PIK3R3: variants seen among roughly 807,000 people sequenced by gnomAD.
The protein encoded by PIK3R3 is phosphatidylinositol 3-kinase regulatory subunit gamma.
In PIK3R3, 64 loss-of-function variants were observed where a neutral mutation model predicts 62.9. The ratio of observed to expected loss-of-function variants is 1.02; its 90% CI spans 0.83 to 1.25. The LOEUF (loss-of-function observed/expected upper bound fraction) is 1.25, where lower values mean the gene tolerates loss of function less well. Ranked by LOEUF, PIK3R3 falls within the 50% of genes most tolerant of loss-of-function variation. The pLI, the probability that PIK3R3 is intolerant of heterozygous loss-of-function variation, is 0.00. For synonymous variants in PIK3R3, 165 were observed against 189.0 expected (o/e 0.87, Z 1.04); for missense variants, 614 against 561.6 (o/e 1.09, Z -0.94).
intron 8 of PIK3R3, 112 bp downstream of exon 8, chr1:46,046,439 G>C: frequency 2.6e-6 from 2 of 768,634 alleles, no homozygotes; most frequent in Non-Finnish European, 4.5e-6. Flanking sequence ...CAAAGTTCTA[G>C]ATTCAATGTC....
intron 6 of PIK3R3, among the ~76,000 whole-genome samples, chr1:46,059,810 T>TA: frequency 6.7e-6 from 1 of 150,270 alleles, no homozygotes; most frequent in South Asian, 2.1e-4. Flanking sequence ...TAAAAAAAAT[T>TA]AAAAATAGGC....
the PIK3R3 span, among the ~76,000 whole-genome samples, chr1:46,159,556 CA>C: frequency 6.6e-6 from 1 of 152,186 alleles, no homozygotes; most frequent in Non-Finnish European, 1.5e-5. Flanking sequence ...CCCTCATTCC[CA>C]AAGATTCCCC....
chr1:46,161,787 A>T, the PIK3R3 span, among the ~76,000 whole-genome samples: 1 of 152,134 alleles, frequency 6.6e-6, no homozygotes, highest in Non-Finnish European at 1.5e-5. Flanking sequence ...ATCAACAAAG[A>T]TTCATGCATA....
intron 3 of PIK3R3, among the ~76,000 whole-genome samples, chr1:46,071,696 CAA>C (rs1331276065): frequency 1.5e-3 from 25 of 17,240 alleles, no homozygotes; most frequent in African/African-American, 3.7e-3. Context: ...ACTCTGTCTC[CAA>C]AAAAAAAAAA....
intron 3 of PIK3R3, among the ~76,000 whole-genome samples, chr1:46,074,085 C>G (rs538017533): frequency 1.3e-4 from 19 of 145,394 alleles, no homozygotes; most frequent in African/African-American, 4.8e-4. Context: ...GTCAGGAGAT[C>G]GAGATCATCC....
intron 1 of PIK3R3, among the ~76,000 whole-genome samples, chr1:46,116,858 G>A (rs998811088): frequency 1.3e-5 from 2 of 152,042 alleles, no homozygotes; most frequent in African/African-American, 4.8e-5. Flanking sequence ...AATAGGCAGG[G>A]CTAGAATAGG....
chr1:46,153,708 C>G, the PIK3R3 span, among the ~76,000 whole-genome samples: 2 of 152,182 alleles, frequency 1.3e-5, no homozygotes, highest in African/African-American at 2.4e-5. Context: ...TGTCTGTACT[C>G]CCCCCAACTC....
In PIK3R3 at chr1:46,131,891, G is replaced by T. The variant is rs1185858092; in HGVS notation, c.62C>A (p.Pro21His). The change falls in exon 1 of 10, where the codon CCC (proline) becomes CAC (histidine). Residue 21 changes from proline to histidine, a missense_variant. Physicochemically the swap from Pro to His is moderately conservative, Grantham distance 77. Transcript: ENST00000262741. ...ATAAAATATCAGTTCTGTCGAATAG[G>T]GCATCATCACCTCCCTCCAGTCTGC... The part of the protein sequence containing the change: ...DDADWREVMM[P>H]YSTELIFYIE... The T allele has an allele frequency of 4.3e-6, 7 of 1,613,044 alleles. No individual in the cohort carries two copies. The highest frequency in any genetic ancestry group is 1.7e-5 in the Admixed American group (1 of 59,964).
rs1400388251 is a variant in PIK3R3 at position 46,043,033 on chromosome 1, ATAC to A, written c.*637_*639del. ...ACTGTTTTGTTGGCTTCTGAACATA[ATAC>A]TTCTTCAGAGGGAGGGGCTGGTGAG... On this transcript the variant is annotated 3_prime_UTR_variant, in exon 10 of 10. Coordinates refer to ENST00000262741, the MANE Select transcript of PIK3R3 (RefSeq NM_003629.4). 1 of 224,596 alleles carries A rather than the reference ATAC, an allele frequency of 4.5e-6. No homozygotes were observed. The highest frequency in any genetic ancestry group is 8.9e-6 in the Non-Finnish European group (1 of 112,482). The allele number at this position is 224,596 out of a possible 1,614,324, so 13.9% of individuals were successfully genotyped here.
the PIK3R3 span, among the ~76,000 whole-genome samples, chr1:46,150,902 G>A: frequency 7.6e-5 from 11 of 144,124 alleles, no homozygotes; most frequent in East Asian, 6.3e-4. Context: ...TCCGCCTCCC[G>A]AGTTCAAGCG....
intron 1 of PIK3R3, among the ~76,000 whole-genome samples, chr1:46,091,138 CTT>C (rs148774563): frequency 4.0e-4 from 51 of 127,608 alleles, no homozygotes; most frequent in Non-Finnish European, 3.7e-4. Context: ...AGCATTTTAA[CTT>C]TTTTTTTTTT....
intron 7 of PIK3R3, among the ~76,000 whole-genome samples, chr1:46,052,196 T>C (rs549660094): frequency 1.3e-5 from 2 of 152,092 alleles, no homozygotes; most frequent in African/African-American, 2.4e-5. Flanking sequence ...TATAACAATA[T>C]GCTGGAATAA....
rs866524104 is a variant in PIK3R3 at position 46,102,987 on chromosome 1, C to T, written c.107-22237G>A. Among the ~76,000 whole-genome samples, 199 of 151,998 alleles carry T rather than the reference C, an allele frequency of 1.3e-3. 3 individuals are homozygous for T. The highest frequency in any genetic ancestry group is 4.6e-3 in the African/African-American group (189 of 41,450). ...TATACATAAAGGGAATATTATTCAG[C>T]CTTAAAAAGGAAGAAAATCCTTTCA... On this transcript the variant is annotated intron_variant, in intron 1 of 9. Transcript: ENST00000262741.
In PIK3R3 at chr1:46,068,541, G is replaced by A. The variant is rs111413921; in HGVS notation, c.315-1450C>T. On this transcript the variant is annotated intron_variant, in intron 3 of 9. Coordinates refer to ENST00000262741, the MANE Select transcript of PIK3R3 (RefSeq NM_003629.4). ...GGAAAAAAAATAAAGCAGAGTAAAG[G>A]GAAAGGAGTTCTTGTGATGGAGGAA... Among the ~76,000 whole-genome samples, 265 of 152,256 alleles carry A rather than the reference G, an allele frequency of 1.7e-3. 1 individual carries two copies. Among genetic ancestry groups the A allele is most frequent in the Middle Eastern group, 6.8e-3 (2 of 294 alleles).
intron 1 of PIK3R3, among the ~76,000 whole-genome samples, chr1:46,124,992 G>A (rs538876677): frequency 3.7e-4 from 57 of 152,162 alleles, no homozygotes; most frequent in African/African-American, 1.4e-3. Context: ...CCAGCTACTC[G>A]GGAGGCTGAG....
upstream of PIK3R3, chr1:46,132,944 C>T (rs892145281): frequency 5.2e-6 from 6 of 1,152,664 alleles, no homozygotes; most frequent in South Asian, 8.3e-5. Context: ...GGCCGCACTC[C>T]AGGAGTCAGT....
intron 1 of PIK3R3, among the ~76,000 whole-genome samples, chr1:46,121,140 G>A (rs533807784): frequency 1.3e-5 from 2 of 152,262 alleles, no homozygotes; most frequent in African/African-American, 4.8e-5. Flanking sequence ...TCTATTAAAT[G>A]AGAAGATAAA....
chr1:46,075,684 G>A (rs913886390), intron 3 of PIK3R3, among the ~76,000 whole-genome samples: 3 of 152,040 alleles, frequency 2.0e-5, no homozygotes, highest in Non-Finnish European at 2.9e-5. Flanking sequence ...GTTAATCAGA[G>A]TTCTCCAGAG....
At chr1:46,055,154 C>T (rs1647763168) in intron 7 of PIK3R3, among the ~76,000 whole-genome samples, 1 of 145,746 alleles carries the variant, frequency 6.9e-6, no homozygotes, top group African/African-American at 2.6e-5. Context: ...GTCACCCAGG[C>T]ATGGAGTGCA....
Sources: gnomAD v4.1 joint callset for allele counts (sites outside exome capture counted in the v4.1 genomes callset) on GRCh38, gnomAD v4.1.1 for gene constraint, MANE v1.5 for transcripts, NCBI Gene and HGNC (gene_info 2026-07-23, HGNC 2026-07-21) for gene names.